VWF: variants seen among roughly 807,000 people sequenced by gnomAD.
The protein encoded by VWF is von Willebrand factor.
A neutral mutation model predicts 308.6 loss-of-function variants in VWF; 176 were observed. The observed-to-expected ratio is 0.57, with a 90% confidence interval of 0.50 to 0.65. The LOEUF is 0.65. Among genes scored for constraint, VWF ranks in the 30% least tolerant of loss-of-function variants. The probability of loss-of-function intolerance (pLI) is 0.00; values close to 1 mark genes in which losing one functional copy is unlikely to be tolerated. For synonymous variants in VWF, 1,385 were observed against 1,443.4 expected, an observed-to-expected ratio of 0.96 and a Z score of 0.92; for missense variants, 3,146 against 3,648.2, an observed-to-expected ratio of 0.86 and a Z score of 3.55.
intron 41 of VWF, among the ~76,000 whole-genome samples, chr12:5,982,541 T>G (rs531687688): frequency 2.4e-4 from 36 of 152,232 alleles, no homozygotes; most frequent in African/African-American, 8.2e-4. Context: ...TGTTTCCAGC[T>G]CCCTTCAAAC....
rs1944116106 is a variant in VWF, at chr12:6,020,348, A to G, written c.3675-605T>C. On this transcript the variant is annotated intron_variant, in intron 27 of 51. Coordinates refer to ENST00000261405, the MANE Select transcript of VWF (RefSeq NM_000552.5). The surrounding 1 kb of genome is among the most constrained non-coding windows in gnomAD (Gnocchi z 4.3). ...AACCCCAGCTTTATCTAGCAGAACA[A>G]ATTATTTGGGAGTAGCAGACAGGGG... is the stretch of plus-strand genomic sequence containing the variant. Among the ~76,000 whole-genome samples the G allele has an allele frequency of 1.3e-5, 2 of 152,202 alleles. No individual in the cohort carries two copies. The highest frequency in any genetic ancestry group is 1.3e-4 in the Admixed American group (2 of 15,290).
At chr12:5,976,284 T>C in intron 42 of VWF, 24 bp from the exon 43 acceptor site, 1 of 1,614,108 alleles carries the variant, frequency 6.2e-7, no homozygotes, top group South Asian at 1.1e-5. Context: ...TTTTCGTGAG[T>C]GAACTCATTT....
chr12:6,092,620 T>TGAGAGTGAGAGAGAGAGAGAGAGAGA (rs1250915385), intron 6 of VWF, among the ~76,000 whole-genome samples: 2 of 89,666 alleles, frequency 2.2e-5, no homozygotes, highest in African/African-American at 6.0e-5. Flanking sequence ...TGAGTGAGAG[T>TGAGAGTGAGAGAGAGAGAGAGAGAGA]GTGTGTGTGT....
intron 16 of VWF, among the ~76,000 whole-genome samples, chr12:6,049,832 C>T (rs1944488759): frequency 6.6e-6 from 1 of 152,232 alleles, no homozygotes; most frequent in South Asian, 2.1e-4. Context: ...CCCTTCATTT[C>T]CATGATATGG....
chr12:6,056,579 A>C (rs1406989093), intron 15 of VWF, among the ~76,000 whole-genome samples: 2 of 152,164 alleles, frequency 1.3e-5, no homozygotes, highest in Non-Finnish European at 2.9e-5. Context: ...CGGGAAACCC[A>C]AGCTTTGCAG....
At chr12:6,109,714 G>A (rs981343714) in intron 5 of VWF, among the ~76,000 whole-genome samples, 2 of 152,046 alleles carry the variant, frequency 1.3e-5, no homozygotes, top group African/African-American at 2.4e-5. Context: ...GAAGCGGCAC[G>A]ATCACTGCTC....
chr12:5,979,928 C>T (rs1194691794), intron 42 of VWF, among the ~76,000 whole-genome samples: 1 of 149,512 alleles, frequency 6.7e-6, no homozygotes, highest in African/African-American at 2.5e-5. Flanking sequence ...GTAGTCCCAG[C>T]TACTCGGGAG....
At chr12:6,044,599 G>A (rs1241708141) in intron 17 of VWF, 148 bp from the exon 18 acceptor site, 2 of 1,014,106 alleles carry the variant, frequency 2.0e-6, no homozygotes, top group Non-Finnish European at 2.9e-6. Flanking sequence ...CCTGAGCCAG[G>A]GTCCCTGTGT....
chr12:6,074,498 A>AC (rs1457272191), intron 7 of VWF, among the ~76,000 whole-genome samples: 1 of 151,658 alleles, frequency 6.6e-6, no homozygotes, highest in African/African-American at 2.4e-5. Context: ...AAAAAAAAAA[A>AC]AAAAAAAAAA....
intron 38 of VWF, among the ~76,000 whole-genome samples, chr12:5,986,908 T>C (rs1448746853): frequency 8.7e-6 from 1 of 114,656 alleles, no homozygotes; most frequent in Non-Finnish European, 1.9e-5. Context: ...TGTTATTTTA[T>C]GTTTTGGTTT....
Position 5,991,855 on chromosome 12 carries a change from G to A in VWF, c.6762C>T (p.Cys2254=), listed in dbSNP as rs1232884671. The change falls in exon 38 of 52, where the codon TGC becomes TGT. Residue 2254 remains cysteine (C), a synonymous_variant. Coordinates refer to ENST00000261405, the MANE Select transcript of VWF (RefSeq NM_000552.5). ...CTCCATCCTCACCAATGCACTGAGT[G>A]CAGGCCTCTTCAGGGACACAGCTGC... ...LEGSCVPEEA[C]TQCIGEDGVQ... 6.2e-7 allele frequency: 1 copy of A among 1,614,234 alleles called. No individual in the cohort carries two copies. Among genetic ancestry groups the A allele is most frequent in the Non-Finnish European group, 8.5e-7 (1 of 1,180,048 alleles).
Position 6,058,437 on chromosome 12 carries a change from C to T in VWF, c.1534-393G>A, listed in dbSNP as rs1208969381. Among the ~76,000 whole-genome samples the T allele has an allele frequency of 1.3e-5, 2 of 152,334 alleles. No homozygotes were observed. Among genetic ancestry groups the T allele is most frequent in the East Asian group, 1.9e-4 (1 of 5,174 alleles). ...AGCACTCTGCCCTCTGTGCCATCCA[C>T]ACCAGTGGGCCTGACCCCCCCACCC... On this transcript the variant is annotated intron_variant, in intron 13 of 51. Transcript: ENST00000261405. The surrounding 1 kb of genome is among the most constrained non-coding windows in gnomAD (Gnocchi z 4.9).
chr12:6,019,891 G>A lies in VWF; in HGVS notation c.3675-148C>T. 3.2e-6 allele frequency: 3 copies of A among 932,204 alleles called. No individual in the cohort carries two copies. The highest frequency in any genetic ancestry group is 3.1e-4 in the Middle Eastern group (1 of 3,176). The allele number at this position is 932,204 out of a possible 1,614,324, so 57.7% of individuals were successfully genotyped here. A position where few individuals can be genotyped will look rare whatever the true frequency, so the allele number is the denominator to read the frequency against. Reference sequence around the variant, plus strand: ...ATCCCATGGACCATTCCACATCCAAGTGAGATGTCATTGTTTAACATCTGT... The same window carrying A: ...ATCCCATGGACCATTCCACATCCAAATGAGATGTCATTGTTTAACATCTGT... On this transcript the variant is annotated intron_variant, in intron 27 of 51. Transcript: ENST00000261405. This position sits in a 1 kb window ranked among gnomAD's most constrained non-coding sequence, Gnocchi z 5.8.
chr12:6,111,261 G>A (rs868434385), intron 3 of VWF, among the ~76,000 whole-genome samples: 4 of 152,134 alleles, frequency 2.6e-5, no homozygotes, highest in Middle Eastern at 3.2e-3. Flanking sequence ...TACAACCTGC[G>A]TATAAATAGA....
In VWF at chr12:5,976,112, G is replaced by A. The variant is rs771209761; in HGVS notation, c.7436C>T (p.Ser2479Leu). Residue 2479 changes from serine (S) to leucine (L), a missense_variant and splice_region_variant, in exon 43 of 52, where the codon TCG becomes TTG. Physicochemically the swap from Ser to Leu is moderately radical, Grantham distance 145 (BLOSUM62 -2). Around this residue, in one of 3 missense-constraint regions of VWF, gnomAD observed 989 missense variants for 1,117.4 expected, o/e 0.89. Coordinates refer to ENST00000261405, the MANE Select transcript of VWF (RefSeq NM_000552.5). The stretch of plus-strand genomic sequence containing the variant: ...ATGCCCAGCCCCTGCCCCACTCACC[G>A]ACCGACAGCTGTCCTCACAGGGCTT... ...SQKPCEDSCR[S>L]GFTYVLHEGE... The A allele has an allele frequency of 3.2e-5, 52 of 1,613,512 alleles. No homozygotes were observed. The highest frequency in any genetic ancestry group is 7.7e-5 in the South Asian group (7 of 91,060).
chr12:6,021,979 A>T lies in VWF; in HGVS notation c.3595T>A (p.Cys1199Ser). ...TCVDPEDCPVCEVAGRRFASG... is the reference protein window; with the variant it reads ...TCVDPEDCPVSEVAGRRFASG... The stretch of plus-strand genomic sequence containing the variant: ...GCAAAACGCCGGCCAGCCACCTCAC[A>T]CACTGGACAGTCTTCAGGGTCAACG... The change falls in exon 27 of 52, where the codon TGT becomes AGT. Residue 1199 changes from cysteine to serine, a missense_variant. Coordinates refer to ENST00000261405, the MANE Select transcript of VWF (RefSeq NM_000552.5). 2 of 1,614,166 alleles carry T rather than the reference A, an allele frequency of 1.2e-6. No individual in the cohort carries two copies. Among genetic ancestry groups the T allele is most frequent in the Non-Finnish European group, 1.7e-6 (2 of 1,180,042 alleles).
chr12:6,055,501 A>G (rs912631853), intron 15 of VWF, among the ~76,000 whole-genome samples: 3 of 152,102 alleles, frequency 2.0e-5, no homozygotes, highest in Non-Finnish European at 4.4e-5. Flanking sequence ...TCCCCAAGAC[A>G]TCCCAGAGCT....
chr12:6,009,968 G>T (rs1179258652), intron 34 of VWF, among the ~76,000 whole-genome samples: 1 of 152,148 alleles, frequency 6.6e-6, no homozygotes, highest in East Asian at 1.9e-4. Context: ...GGTTGCGGGG[G>T]CTAGGGGAAG....
chr12:6,016,455 T>G (rs574102391), intron 30 of VWF, 61 bp downstream of exon 30: 1 of 1,576,692 alleles, frequency 6.3e-7, no homozygotes, highest in South Asian at 1.1e-5. Flanking sequence ...ACACAGTCAC[T>G]TATGCCAAAA....
Sources: gnomAD v4.1 joint callset for allele counts (sites outside exome capture counted in the v4.1 genomes callset) on GRCh38, gnomAD v4.1.1 for gene constraint, gnomAD v4.1.1 regional missense constraint, Gnocchi (gnomAD v3.1) non-coding constraint, MANE v1.5 for transcripts, NCBI Gene and HGNC (gene_info 2026-07-23, HGNC 2026-07-21) for gene names.